Variants in HAVCR1 observed in about 807,000 individuals in gnomAD.
The protein encoded by HAVCR1 is hepatitis A virus cellular receptor 1.
HAVCR1 carries 34 observed loss-of-function variants against 32.0 expected under a neutral mutation model. That is an observed-to-expected ratio of 1.06 (90% confidence interval 0.81 to 1.42). HAVCR1 has a LOEUF of 1.42. Ranked by LOEUF, HAVCR1 falls within the 40% of genes most tolerant of loss-of-function variation. The pLI is 0.00. For synonymous variants in HAVCR1, 178 were observed against 170.3 expected, an observed-to-expected ratio of 1.05 and a Z score of -0.35; for missense variants, 420 against 442.3, an observed-to-expected ratio of 0.95 and a Z score of 0.45.
At chr5:157,035,849 A>C (rs952726479) in intron 7 of HAVCR1, among the ~76,000 whole-genome samples, 2 of 152,208 alleles carry the variant, frequency 1.3e-5, no homozygotes, top group African/African-American at 4.8e-5. Flanking sequence ...AAACAATACA[A>C]TATAACAACT....
chr5:157,054,524 A>T (rs886499660), intron 3 of HAVCR1, among the ~76,000 whole-genome samples: 2 of 152,172 alleles, frequency 1.3e-5, no homozygotes, highest in African/African-American at 4.8e-5. Context: ...ATAAAAAAAT[A>T]AAAAAGGACA....
chr5:157,042,040 C>T (rs1206362839), intron 6 of HAVCR1, among the ~76,000 whole-genome samples: 1 of 151,802 alleles, frequency 6.6e-6, no homozygotes, highest in African/African-American at 2.4e-5. Context: ...GCCTAGGAGA[C>T]AGAGTGATGT....
intron 4 of HAVCR1, among the ~76,000 whole-genome samples, chr5:157,051,719 G>A (rs758114171): frequency 5.3e-5 from 8 of 152,104 alleles, no homozygotes; most frequent in Non-Finnish European, 1.2e-4. Context: ...ATGTTGCCCA[G>A]GCTGGTTTTG....
intron 4 of HAVCR1, 30 bp downstream of exon 4, chr5:157,052,331 C>G (rs749847399): frequency 6.2e-7 from 1 of 1,604,074 alleles, no homozygotes; most frequent in African/African-American, 1.3e-5. Context: ...CATTAGAAGG[C>G]CTTTGGGCTT....
chr5:157,065,116 G>A, the HAVCR1 span, among the ~76,000 whole-genome samples: 318 of 152,076 alleles, frequency 2.1e-3, 1 homozygote, highest in Non-Finnish European at 2.9e-3. Context: ...TCACGAGATC[G>A]AGACTGTGCT....
chr5:157,053,595 CG>C (rs1442669155), intron 3 of HAVCR1, among the ~76,000 whole-genome samples: 2 of 152,092 alleles, frequency 1.3e-5, no homozygotes, highest in African/African-American at 4.8e-5. Context: ...AACGGCCGGG[CG>C]CGGCAGCTCA....
Position 157,036,620 on chromosome 5 carries a change from ATCTT to A in HAVCR1, c.952+623_952+626del, listed in dbSNP as rs1390613512. Reference sequence around the variant, plus strand: ...ATTTATAGAGATTTATGGCAAAAGGATCTTTCTAACTACAATTACAGTTTAAGAT... The same window carrying A: ...ATTTATAGAGATTTATGGCAAAAGGATCTAACTACAATTACAGTTTAAGAT... On this transcript the variant is annotated intron_variant, in intron 7 of 8. Transcript: ENST00000523175. 7.9e-5 allele frequency among the ~76,000 whole-genome samples: 12 copies of A among 152,348 alleles called. No individual in the cohort carries two copies. In the East Asian group the frequency reaches 2.1e-3, roughly 27 times the overall value.
intron 2 of HAVCR1, 113 bp downstream of exon 2, chr5:157,057,785 A>G: frequency 1.3e-6 from 1 of 786,738 alleles, no homozygotes; most frequent in Non-Finnish European, 2.2e-6. Context: ...CGGTACCCAA[A>G]GAACATCTAC....
chr5:157,044,420 GGAGAAAGAAAGAAAGAAA>G (rs1176091625), intron 5 of HAVCR1, among the ~76,000 whole-genome samples: 2 of 32,290 alleles, frequency 6.2e-5, no homozygotes, highest in African/African-American at 3.9e-4. Context: ...AAGGAAGGAA[GGAGAAAGAAAGAAAGAAA>G]GAAAGAAAGA....
intron 5 of HAVCR1, among the ~76,000 whole-genome samples, chr5:157,045,104 T>C (rs1755305284): frequency 6.6e-6 from 1 of 152,100 alleles, no homozygotes; most frequent in Non-Finnish European, 1.5e-5. Flanking sequence ...TACATACCTA[T>C]GATAAAAGTT....
At chr5:157,055,574 A>G (rs1337175850) in intron 2 of HAVCR1, 41 bp from the exon 3 acceptor site, 6 of 1,275,154 alleles carry the variant, frequency 4.7e-6, no homozygotes, top group African/African-American at 3.0e-5. Flanking sequence ...AGCCCTCACT[A>G]TTTCATCTTG....
chr5:157,064,883 C>CA, the HAVCR1 span, among the ~76,000 whole-genome samples: 2 of 151,940 alleles, frequency 1.3e-5, no homozygotes, highest in Admixed American at 6.6e-5. Flanking sequence ...AAACAAAAAA[C>CA]AAAAAACAAA....
upstream of HAVCR1, among the ~76,000 whole-genome samples, chr5:157,062,629 TA>T (rs1756512240): frequency 6.6e-6 from 1 of 152,142 alleles, no homozygotes; most frequent in Non-Finnish European, 1.5e-5. Flanking sequence ...TAGGCCTCTA[TA>T]ATCCAGACTT....
At chr5:157,042,704 TA>T in intron 5 of HAVCR1, 22 bp from the exon 6 acceptor site, 2 of 1,402,530 alleles carry the variant, frequency 1.4e-6, no homozygotes, top group Non-Finnish European at 2.0e-6. Flanking sequence ...GAAGGAAATT[TA>T]ATTAGAATTA....
At chr5:157,030,432 A>G (rs1293715070) in intron 8 of HAVCR1, among the ~76,000 whole-genome samples, 1 of 152,194 alleles carries the variant, frequency 6.6e-6, no homozygotes, top group African/African-American at 2.4e-5. Context: ...TTGGGAGGCC[A>G]TGGCAGGAGG....
rs924595518 is a variant in HAVCR1, at chr5:157,042,258, C to T, written c.837+369G>A. Among the ~76,000 whole-genome samples, 15 of 150,916 alleles carry T rather than the reference C, an allele frequency of 9.9e-5. No individual in the cohort carries two copies. The East Asian group carries it at 1.4e-3, about 14-fold the overall frequency. ...GAGATCGAGACTATCCTGGCTAACA[C>T]GGTGAAACCCCGTCTCTACTAAAAA... On this transcript the variant is annotated intron_variant, in intron 6 of 8. Transcript: ENST00000523175.
At chr5:157,034,539 C>CT (rs1754413622) in intron 7 of HAVCR1, among the ~76,000 whole-genome samples, 1 of 151,364 alleles carries the variant, frequency 6.6e-6, no homozygotes, top group South Asian at 2.1e-4. Flanking sequence ...AGGCCTTCCT[C>CT]TTTCACTAAT....
rs775031473 is a variant in HAVCR1, at chr5:157,042,671, T to C, written c.793A>G (p.Thr265Ala). 1.9e-6 allele frequency: 3 copies of C among 1,584,888 alleles called. No homozygotes were observed. The highest frequency in any genetic ancestry group is 2.6e-6 in the Non-Finnish European group (3 of 1,154,484). ...AGGCCATCTGAAGACTCTGTCACGG[T>C]GTCATTCCCATCTACTCAACAAGAA... ...LYSYTTDGND[T>A]VTESSDGLWN... Residue 265 changes from threonine to alanine, a missense_variant, in exon 6 of 9, where the codon ACC (threonine) becomes GCC (alanine). Physicochemically the swap from Thr to Ala is moderately conservative, Grantham distance 58. Transcript: ENST00000523175.
the HAVCR1 span, among the ~76,000 whole-genome samples, chr5:157,066,055 TAAAA>T: frequency 4.5e-5 from 3 of 66,920 alleles, no homozygotes; most frequent in Admixed American, 4.3e-4. Context: ...GACTCCGTCT[TAAAA>T]AAAAAAAAAA....
Sources: gnomAD v4.1 joint callset for allele counts (sites outside exome capture counted in the v4.1 genomes callset) on GRCh38, gnomAD v4.1.1 for gene constraint, MANE v1.5 for transcripts, NCBI Gene and HGNC (gene_info 2026-07-23, HGNC 2026-07-21) for gene names.